The following TMC7 variants were observed in gnomAD, a reference collection of about 807,000 sequenced individuals.
TMC7 encodes transmembrane channel-like protein 7.
TMC7 carries 54 observed loss-of-function variants against 82.9 expected under a neutral mutation model. That is an observed-to-expected ratio of 0.65 (90% CI 0.52 to 0.82). The LOEUF is 0.82. Among genes scored for constraint, TMC7 ranks in the 40% least tolerant of loss-of-function variants. The pLI, the probability that TMC7 is intolerant of heterozygous loss-of-function variation, is 0.00. For synonymous variants in TMC7, 350 were observed against 337.9 expected (o/e 1.04, Z -0.39); for missense variants, 820 against 901.2 (o/e 0.91, Z 1.15).
At chr16:19,053,766 G>T (rs1961644774) in intron 13 of TMC7, among the ~76,000 whole-genome samples, 1 of 151,656 alleles carries the variant, frequency 6.6e-6, no homozygotes, top group Non-Finnish European at 1.5e-5. Context: ...TTAAAAAATG[G>T]TGAAAATTCA....
intron 12 of TMC7, 115 bp from the exon 13 acceptor site, chr16:19,051,571 C>A: frequency 8.1e-7 from 1 of 1,234,010 alleles, no homozygotes. Flanking sequence ...GCTGGACTAC[C>A]CTCTGGAAAG....
At chr16:18,987,825 C>A (rs1410504910) in intron 1 of TMC7, among the ~76,000 whole-genome samples, 1 of 152,150 alleles carries the variant, frequency 6.6e-6, no homozygotes, top group African/African-American at 2.4e-5. Context: ...TCATTGGCCT[C>A]TCCTCCAGCC....
At position 19,011,347 on chromosome 16, in the gene TMC7, A is replaced by G. The variant is rs551175108; in HGVS notation, c.311+1932A>G. Reference sequence around the variant, plus strand: ...GTTATTTCTGCTTAACTCTCGAATTACTGCCCCCCACAGGGTCAGTAGCAT... The same window carrying G: ...GTTATTTCTGCTTAACTCTCGAATTGCTGCCCCCCACAGGGTCAGTAGCAT... On this transcript the variant is annotated intron_variant, in intron 2 of 15. Coordinates refer to ENST00000304381, the MANE Select transcript of TMC7 (RefSeq NM_024847.4). Among the ~76,000 whole-genome samples the G allele has an allele frequency of 2.0e-5, 3 of 152,090 alleles. No individual in the cohort carries two copies. In the East Asian group the frequency reaches 5.8e-4, roughly 29 times the overall value.
chr16:19,010,124 C>T (rs528710628), intron 2 of TMC7, among the ~76,000 whole-genome samples: 5 of 107,814 alleles, frequency 4.6e-5, no homozygotes, highest in Admixed American at 2.2e-4. Context: ...CCCCCTTTCC[C>T]CTCTCTCCTC....
At chr16:19,001,264 A>G (rs749345483) in intron 1 of TMC7, among the ~76,000 whole-genome samples, 1 of 152,188 alleles carries the variant, frequency 6.6e-6, no homozygotes, top group Non-Finnish European at 1.5e-5. Flanking sequence ...GTATTTATTA[A>G]GCATCTGTCC....
At chr16:19,045,574 T>G (rs1445613835) in intron 11 of TMC7, 136 bp downstream of exon 11, 3 of 564,332 alleles carry the variant, frequency 5.3e-6, no homozygotes, top group Non-Finnish European at 6.3e-6. Flanking sequence ...CCTGGAAATC[T>G]GACAACTGGT....
At chr16:19,015,796 G>A (rs1959656485) in intron 2 of TMC7, among the ~76,000 whole-genome samples, 1 of 151,654 alleles carries the variant, frequency 6.6e-6, no homozygotes, top group East Asian at 2.0e-4. Flanking sequence ...GGCTGGTCTC[G>A]AATTCCTGAC....
chr16:19,043,557 T>C (rs1961119691), intron 9 of TMC7, among the ~76,000 whole-genome samples: 2 of 144,868 alleles, frequency 1.4e-5, no homozygotes, highest in Admixed American at 7.0e-5. Flanking sequence ...ATTTAGGCAT[T>C]TGCTTATTAT....
chr16:18,992,415 A>G (rs945526361), intron 1 of TMC7, among the ~76,000 whole-genome samples: 1 of 152,152 alleles, frequency 6.6e-6, no homozygotes, highest in Admixed American at 6.6e-5. Flanking sequence ...GTGTCTGTTC[A>G]TATCCTTTGC....
intron 13 of TMC7, among the ~76,000 whole-genome samples, chr16:19,055,217 A>C (rs929827166): frequency 2.6e-5 from 4 of 152,148 alleles, no homozygotes; most frequent in African/African-American, 9.7e-5. Flanking sequence ...TCACTGCTAA[A>C]TACTTTAGTG....
intron 5 of TMC7, among the ~76,000 whole-genome samples, chr16:19,026,805 A>G (rs1348435621): frequency 1.3e-5 from 2 of 152,080 alleles, no homozygotes; most frequent in Non-Finnish European, 2.9e-5. Flanking sequence ...TCTGTCACCC[A>G]GGCTGGAGTG....
intron 6 of TMC7, among the ~76,000 whole-genome samples, chr16:19,031,840 G>A (rs1167400027): frequency 1.3e-5 from 2 of 152,274 alleles, no homozygotes; most frequent in East Asian, 1.9e-4. Context: ...GTCCTGCCAA[G>A]GGATGGGAAA....
intron 8 of TMC7, 83 bp from the exon 9 acceptor site, chr16:19,040,206 T>C: frequency 1.6e-6 from 2 of 1,228,148 alleles, no homozygotes; most frequent in Non-Finnish European, 2.3e-6. Flanking sequence ...CCAACACACA[T>C]AGTTGAGTTC....
chr16:19,033,294 C>T (rs1036564212), intron 6 of TMC7, among the ~76,000 whole-genome samples: 9 of 152,124 alleles, frequency 5.9e-5, no homozygotes, highest in African/African-American at 2.2e-4. Flanking sequence ...CATCATCATC[C>T]TTATCATCAA....
At chr16:18,995,148 A>G (rs1231323519) in intron 1 of TMC7, among the ~76,000 whole-genome samples, 1 of 152,164 alleles carries the variant, frequency 6.6e-6, no homozygotes, top group East Asian at 1.9e-4. Context: ...AAAGGAGTAC[A>G]TTAAAGAATG....
At chr16:19,017,626 C>G (rs1177089123) in intron 3 of TMC7, among the ~76,000 whole-genome samples, 2 of 149,456 alleles carry the variant, frequency 1.3e-5, no homozygotes, top group East Asian at 4.0e-4. Context: ...TTGAGACCAG[C>G]CTGGGTAACA....
intron 5 of TMC7, among the ~76,000 whole-genome samples, chr16:19,026,348 G>A (rs895742456): frequency 3.3e-5 from 5 of 151,572 alleles, no homozygotes. Flanking sequence ...GTGGTGGCAG[G>A]CACCTGTAGT....
Position 19,061,815 on chromosome 16 carries a change from C to T in TMC7, c.2144C>T (p.Thr715Ile). The T allele has an allele frequency of 6.2e-7, 1 of 1,613,824 alleles. No homozygotes were observed. The highest frequency in any genetic ancestry group is 8.5e-7 in the Non-Finnish European group (1 of 1,179,846). Residue 715 changes from threonine (T) to isoleucine (I), a missense_variant, in exon 16 of 16, where the codon ACA becomes ATA. By Grantham distance (89) the Thr-to-Ile change is moderately conservative. Transcript: ENST00000304381. ...AAGTGCTACCTAATCCAGAAACTAACAGAAGCCCAAAGGGACATGAGGAAC... is the reference window on the plus strand; with the variant it reads ...AAGTGCTACCTAATCCAGAAACTAATAGAAGCCCAAAGGGACATGAGGAAC... Reference protein sequence around the residue: ...RDKCYLIQKLTEAQRDMRN With the variant: ...RDKCYLIQKLIEAQRDMRN
At chr16:19,002,096 G>A (rs1404624596) in intron 1 of TMC7, among the ~76,000 whole-genome samples, 2 of 152,224 alleles carry the variant, frequency 1.3e-5, no homozygotes, top group East Asian at 3.9e-4. Context: ...CCCACATCCT[G>A]GGAGGTTCAT....
Sources: gnomAD v4.1 joint callset for allele counts (sites outside exome capture counted in the v4.1 genomes callset) on GRCh38, gnomAD v4.1.1 for gene constraint, MANE v1.5 for transcripts, NCBI Gene and HGNC (gene_info 2026-07-23, HGNC 2026-07-21) for gene names.